COL4A3: variants seen among roughly 807,000 people sequenced by gnomAD.
COL4A3 encodes the protein collagen type IV alpha 3 chain, also known as collagen alpha-3(IV) chain.
COL4A3 carries 135 observed loss-of-function variants against 217.4 expected under a neutral mutation model. That is an observed-to-expected ratio of 0.62 (90% CI 0.54 to 0.72). The LOEUF (loss-of-function observed/expected upper bound fraction) is 0.72. Ranked by LOEUF, COL4A3 falls within the 30% of genes least tolerant of loss-of-function variation. COL4A3 has a pLI of 0.00. For synonymous variants in COL4A3, 690 were observed against 736.3 expected (o/e 0.94, Z 1.02); for missense variants, 1,868 against 2,119.9 (o/e 0.88, Z 2.33).
chr2:227,184,802 CT>C (rs142709228), intron 1 of COL4A3, among the ~76,000 whole-genome samples: 20,389 of 142,770 alleles, frequency 0.14, 1,490 homozygotes, highest in Middle Eastern at 0.22. Flanking sequence ...AAAGACTCAT[CT>C]TTTTTTCATT....
In COL4A3 at chr2:227,282,696, C is replaced by T. The variant is rs370686680; in HGVS notation, c.2656+164C>T. Among the ~76,000 whole-genome samples, 10 of 152,258 alleles carry T rather than the reference C, an allele frequency of 6.6e-5. No homozygotes were observed. The South Asian group carries it at 8.3e-4, about 13-fold the overall frequency. On this transcript the variant is annotated intron_variant, in intron 32 of 51. Coordinates refer to ENST00000396578, the MANE Select transcript of COL4A3 (RefSeq NM_000091.5). This position sits in a 1 kb window ranked among gnomAD's most constrained non-coding sequence, Gnocchi z 4.4. ...AACCAGGGGCCATGGTGCAGGGAAA[C>T]GGTGGCGGCAGGATGAACAATTACC...
intron 41 of COL4A3, among the ~76,000 whole-genome samples, chr2:227,297,358 T>G (rs1317682930): frequency 6.6e-6 from 1 of 152,218 alleles, no homozygotes; most frequent in African/African-American, 2.4e-5. Context: ...TTATCTCACT[T>G]GATCTGAAAG....
rs531522427 is a variant in COL4A3, at chr2:227,203,756, T to G, written c.88-34212T>G. Among the ~76,000 whole-genome samples the G allele has an allele frequency of 2.2e-3, 219 of 100,322 alleles. 38 individuals carry two copies. Among genetic ancestry groups the G allele is most frequent in the East Asian group, 0.017 (54 of 3,198 alleles). 65.8% of individuals were successfully genotyped at this position (100,322 alleles called of 152,430 possible). On this transcript the variant is annotated intron_variant, in intron 1 of 51. Transcript: ENST00000396578. ...ATATGTGTATATATACATATATGTG[T>G]GTATATATGTGTATATATACATATA... is the stretch of plus-strand genomic sequence containing the variant.
chr2:227,193,362 A>G (rs147125484), intron 1 of COL4A3, among the ~76,000 whole-genome samples: 35 of 152,344 alleles, frequency 2.3e-4, no homozygotes, highest in African/African-American at 7.5e-4. Context: ...AGTTTAAGGA[A>G]GGACTCAAGA....
intron 3 of COL4A3, among the ~76,000 whole-genome samples, chr2:227,242,827 A>G (rs1228185762): frequency 1.3e-5 from 2 of 152,170 alleles, no homozygotes; most frequent in African/African-American, 4.8e-5. Context: ...CACAGCTTAC[A>G]TGTAAAATGC....
chr2:227,310,566 T>G (rs1295035870), intron 50 of COL4A3, among the ~76,000 whole-genome samples: 1 of 152,242 alleles, frequency 6.6e-6, no homozygotes, highest in African/African-American at 2.4e-5. Flanking sequence ...TCTGCCCACC[T>G]AGGCCTCCCA....
intron 51 of COL4A3, among the ~76,000 whole-genome samples, chr2:227,311,314 A>T (rs1170748729): frequency 6.6e-6 from 1 of 152,122 alleles, no homozygotes; most frequent in Non-Finnish European, 1.5e-5. Context: ...GCCACCATAT[A>T]TACCTTTTCA....
chr2:227,299,445 C>T (rs1276535007), intron 43 of COL4A3, among the ~76,000 whole-genome samples: 1 of 152,144 alleles, frequency 6.6e-6, no homozygotes, highest in Non-Finnish European at 1.5e-5. Context: ...CACTCACTAC[C>T]ATGAGAATGG....
At chr2:227,260,399 A>G (rs1033590433) in intron 19 of COL4A3, among the ~76,000 whole-genome samples, 1 of 152,162 alleles carries the variant, frequency 6.6e-6, no homozygotes, top group African/African-American at 2.4e-5. Context: ...AACTTCTATA[A>G]TGGCCTCGTC....
At chr2:227,171,778 G>C (rs2065483114) in intron 1 of COL4A3, among the ~76,000 whole-genome samples, 1 of 152,188 alleles carries the variant, frequency 6.6e-6, no homozygotes, top group South Asian at 2.1e-4. Context: ...TTTAGAGCAG[G>C]AGTGAAATTT....
chr2:227,208,651 G>A (rs982694147), intron 1 of COL4A3, among the ~76,000 whole-genome samples: 2 of 151,964 alleles, frequency 1.3e-5, no homozygotes, highest in South Asian at 2.1e-4. Flanking sequence ...TGAATATTCC[G>A]TCTCCTGCAC....
rs772075575 is a variant in COL4A3 at position 227,164,792 on chromosome 2, G to A, written c.66G>A (p.Ala22=). Residue 22 remains alanine (A), a synonymous_variant, in exon 1 of 52, where the codon GCG becomes GCA. Coordinates refer to ENST00000396578, the MANE Select transcript of COL4A3 (RefSeq NM_000091.5). This position sits in a 1 kb window ranked among gnomAD's most constrained non-coding sequence, Gnocchi z 4.8. ...LLLPLLLVLL[A]AAPAASKGCV... is the part of the protein sequence containing the mutation. ...TGCCGCTCCTGCTGGTGCTCCTGGC[G>A]GCGGCGCCCGCAGCCAGCAAGGTGA... 5 of 1,519,360 alleles carry A rather than the reference G, an allele frequency of 3.3e-6. No homozygotes were observed. The highest frequency in any genetic ancestry group is 3.5e-6 in the Non-Finnish European group (4 of 1,140,594). The allele number at this position is 1,519,360 out of a possible 1,614,324, so 94.1% of individuals were successfully genotyped here.
At position 227,314,766 on chromosome 2, in the gene COL4A3, C is replaced by T. The variant is rs969092358; in HGVS notation, c.*2896C>T. 4.6e-5 allele frequency: 7 copies of T among 150,802 alleles called. No individual in the cohort carries two copies. Among genetic ancestry groups the T allele is most frequent in the Non-Finnish European group, 1.0e-4 (7 of 67,808 alleles). The allele number at this position is 150,802 out of a possible 1,614,324, so 9.3% of individuals were successfully genotyped here. A position where few individuals can be genotyped will look rare whatever the true frequency, so the allele number is the denominator to read the frequency against. Reference sequence around the variant, plus strand: ...CTAAAATATTATTTTATTATATTGCCTAAGAATAAACATTTGTTAAATTGG... The same window carrying T: ...CTAAAATATTATTTTATTATATTGCTTAAGAATAAACATTTGTTAAATTGG... On this transcript the variant is annotated 3_prime_UTR_variant, in exon 52 of 52. Coordinates refer to ENST00000396578, the MANE Select transcript of COL4A3 (RefSeq NM_000091.5).
In COL4A3 at chr2:227,267,027, T is replaced by C. The variant is rs2070938396; in HGVS notation, c.1443T>C (p.Tyr481=). The C allele has an allele frequency of 1.2e-6, 2 of 1,613,950 alleles. No homozygotes were observed. The highest frequency in any genetic ancestry group is 1.7e-6 in the Non-Finnish European group (2 of 1,179,940). ...GCCTCCTGTGTACACAGTGCCCTTA[T>C]ATCCCAGGGCCTCCCGGTCTCCCAG... ...EPGLLCTQCP[Y]IPGPPGLPGL... Residue 481 remains tyrosine (Y), a synonymous_variant, in exon 23 of 52, where the codon TAT becomes TAC. Transcript: ENST00000396578.
intron 1 of COL4A3, among the ~76,000 whole-genome samples, chr2:227,184,802 C>G (rs2065965374): frequency 7.0e-6 from 1 of 142,742 alleles, no homozygotes; most frequent in Non-Finnish European, 1.5e-5. Context: ...AAAGACTCAT[C>G]TTTTTTTCAT....
At chr2:227,194,325 G>A (rs2066386393) in intron 1 of COL4A3, among the ~76,000 whole-genome samples, 1 of 152,130 alleles carries the variant, frequency 6.6e-6, no homozygotes, top group Admixed American at 6.5e-5. Flanking sequence ...CCCTTTCCTG[G>A]ATCTAAGAAA....
rs987449126 is a variant in COL4A3, at chr2:227,205,238, A to G, written c.88-32730A>G. 3.3e-5 allele frequency among the ~76,000 whole-genome samples: 5 copies of G among 152,164 alleles called. No homozygotes were observed. In the East Asian group the frequency reaches 9.6e-4, roughly 29 times the overall value. On this transcript the variant is annotated intron_variant, in intron 1 of 51. Coordinates refer to ENST00000396578, the MANE Select transcript of COL4A3 (RefSeq NM_000091.5). The stretch of plus-strand genomic sequence containing the variant: ...GTTATGAGGTTATGTGAGGTTATGC[A>G]TATGTTATTCAGCTCATTTTGGCTA...
intron 1 of COL4A3, among the ~76,000 whole-genome samples, chr2:227,211,539 A>C (rs1317437738): frequency 6.6e-6 from 1 of 152,202 alleles, no homozygotes; most frequent in East Asian, 1.9e-4. Flanking sequence ...ATTTATCTTT[A>C]TTAGCAAGTG....
chr2:227,186,132 A>G (rs922007908), intron 1 of COL4A3, among the ~76,000 whole-genome samples: 1 of 151,830 alleles, frequency 6.6e-6, no homozygotes, highest in African/African-American at 2.4e-5. Flanking sequence ...TTTGCCCCCC[A>G]CCCTTGGGGT....
Sources: allele counts gnomAD v4.1 joint callset (sites outside exome capture counted in the v4.1 genomes callset), GRCh38; gene constraint gnomAD v4.1.1; non-coding constraint Gnocchi (gnomAD v3.1); transcripts MANE v1.5; gene names NCBI Gene and HGNC (gene_info 2026-07-23, HGNC 2026-07-21).